HNF4G: variants seen among roughly 807,000 people sequenced by gnomAD.
HNF4G encodes the protein hepatocyte nuclear factor 4-gamma.
A neutral mutation model predicts 50.9 loss-of-function variants in HNF4G; 21 were observed. The observed-to-expected ratio is 0.41, with a 90% confidence interval of 0.29 to 0.59. The LOEUF (loss-of-function observed/expected upper bound fraction) is 0.59. HNF4G is among the 20% of genes least tolerant of loss of function. HNF4G has a pLI of 0.26. For synonymous variants in HNF4G, 198 were observed against 185.6 expected (o/e 1.07, Z -0.54); for missense variants, 527 against 559.4 (o/e 0.94, Z 0.58).
intron 1 of HNF4G, among the ~76,000 whole-genome samples, chr8:75,476,860 T>C (rs1392127933): frequency 6.6e-6 from 1 of 152,192 alleles, no homozygotes; most frequent in East Asian, 1.9e-4. Context: ...AGGAGTCAGC[T>C]CCAGCTGTAT....
At chr8:75,524,314 C>T (rs565062628) in intron 2 of HNF4G, among the ~76,000 whole-genome samples, 2 of 152,214 alleles carry the variant, frequency 1.3e-5, no homozygotes, top group East Asian at 1.9e-4. Context: ...ATTTGGGAGG[C>T]ATATAAATGG....
chr8:75,463,720 A>G (rs1811905053), intron 1 of HNF4G, among the ~76,000 whole-genome samples: 1 of 142,102 alleles, frequency 7.0e-6, no homozygotes, highest in Non-Finnish European at 1.5e-5. Context: ...GTTTGTTTAT[A>G]TTTACAGTTT....
chr8:75,529,130 CAA>C (rs34899143), intron 2 of HNF4G, among the ~76,000 whole-genome samples: 41,229 of 148,882 alleles, frequency 0.28, 5,716 homozygotes, highest in African/African-American at 0.34. Flanking sequence ...ACTAAAAATA[CAA>C]AAAAAAAAAT....
At chr8:75,547,745 C>A in intron 3 of HNF4G, 64 bp downstream of exon 3, 1 of 982,276 alleles carries the variant, frequency 1.0e-6, no homozygotes, top group Non-Finnish European at 1.6e-6. Context: ...CACACACATT[C>A]TCATTGATTA....
intron 1 of HNF4G, among the ~76,000 whole-genome samples, chr8:75,441,402 C>T (rs1231046518): frequency 6.6e-6 from 1 of 152,008 alleles, no homozygotes; most frequent in Non-Finnish European, 1.5e-5. Context: ...TGCGCCACCA[C>T]ACCCGGCTAA....
intron 2 of HNF4G, among the ~76,000 whole-genome samples, chr8:75,515,267 C>G (rs1337448465): frequency 2.0e-5 from 3 of 152,092 alleles, no homozygotes; most frequent in Non-Finnish European, 4.4e-5. Context: ...TTCATTTGCT[C>G]TCCTTCCTGT....
chr8:75,416,891 CA>C (rs1252954615), intron 1 of HNF4G, among the ~76,000 whole-genome samples: 18 of 152,166 alleles, frequency 1.2e-4, no homozygotes, highest in Admixed American at 8.5e-4. Context: ...AGCATGTTAG[CA>C]AACTTCCTGA....
chr8:75,502,003 C>A (rs900598966), intron 2 of HNF4G, among the ~76,000 whole-genome samples: 4 of 152,072 alleles, frequency 2.6e-5, no homozygotes, highest in Admixed American at 6.6e-5. Flanking sequence ...CAGGCGTGCA[C>A]CACCACGCCC....
chr8:75,427,800 T>A (rs1810922591), intron 1 of HNF4G, among the ~76,000 whole-genome samples: 1 of 152,176 alleles, frequency 6.6e-6, no homozygotes, highest in East Asian at 1.9e-4. Context: ...GCCCTATAAA[T>A]GTATATATAT....
chr8:75,487,260 T>TTTTA (rs1812520562), intron 1 of HNF4G, among the ~76,000 whole-genome samples: 1 of 127,814 alleles, frequency 7.8e-6, no homozygotes, highest in South Asian at 2.4e-4. Context: ...TATTTTTTTA[T>TTTTA]TTTATTTATT....
At chr8:75,523,953 C>A (rs1467249240) in intron 2 of HNF4G, among the ~76,000 whole-genome samples, 2 of 151,564 alleles carry the variant, frequency 1.3e-5, no homozygotes, top group Non-Finnish European at 2.9e-5. Context: ...ATATGGGGTA[C>A]CTTTTAATTT....
At chr8:75,455,674 A>G (rs1811702770) in intron 1 of HNF4G, among the ~76,000 whole-genome samples, 1 of 152,200 alleles carries the variant, frequency 6.6e-6, no homozygotes, top group Non-Finnish European at 1.5e-5. Context: ...ACTCCATAAT[A>G]TCATTGAATT....
intron 2 of HNF4G, among the ~76,000 whole-genome samples, chr8:75,500,683 TA>T (rs950710971): frequency 9.9e-5 from 15 of 152,126 alleles, no homozygotes; most frequent in Admixed American, 3.3e-4. Flanking sequence ...CATTCAGCCA[TA>T]AAAAAATGAA....
At chr8:75,517,088 C>T (rs925616629) in intron 2 of HNF4G, among the ~76,000 whole-genome samples, 1 of 152,080 alleles carries the variant, frequency 6.6e-6, no homozygotes, top group Admixed American at 6.6e-5. Context: ...GAACTAACTC[C>T]CCTTTATAAG....
chr8:75,509,514 C>A (rs1451228495), intron 2 of HNF4G, among the ~76,000 whole-genome samples: 2 of 152,152 alleles, frequency 1.3e-5, no homozygotes, highest in Non-Finnish European at 2.9e-5. Flanking sequence ...TGTCATGATT[C>A]ATTTGGAAAT....
rs1007094376 is a variant in HNF4G, at chr8:75,418,724, T to A, written c.-144+10562T>A. On this transcript the variant is annotated intron_variant, in intron 1 of 10. Coordinates refer to the HNF4G transcript ENST00000354370. The stretch of plus-strand genomic sequence containing the variant: ...TAGTGATAAGTCTCTCTCTCTCTCT[T>A]TTTTTTTTTTTTTTTTTTTTGAGAT... 6.7e-5 allele frequency among the ~76,000 whole-genome samples: 9 copies of A among 133,732 alleles called. No homozygotes were observed. In the Admixed American group the frequency reaches 7.0e-4, roughly 10 times the overall value. 87.7% of individuals were successfully genotyped at this position (133,732 alleles called of 152,430 possible). A position where few individuals can be genotyped will look rare whatever the true frequency, so the allele number is the denominator to read the frequency against.
intron 1 of HNF4G, among the ~76,000 whole-genome samples, chr8:75,473,598 G>T (rs944020076): frequency 2.0e-5 from 3 of 152,070 alleles, no homozygotes; most frequent in Non-Finnish European, 2.9e-5. Context: ...AATCCATTTG[G>T]CTCTTTAGCT....
chr8:75,496,883 A>G (rs1014597695), intron 2 of HNF4G, among the ~76,000 whole-genome samples: 1 of 152,004 alleles, frequency 6.6e-6, no homozygotes, highest in Non-Finnish European at 1.5e-5. Context: ...AAGTTTTGTG[A>G]CTATGAGAAA....
At chr8:75,431,891 A>C (rs901423242) in intron 1 of HNF4G, among the ~76,000 whole-genome samples, 2 of 151,648 alleles carry the variant, frequency 1.3e-5, no homozygotes, top group Non-Finnish European at 1.5e-5. Context: ...GCACCATTGC[A>C]CTCCAGCCTG....
Sources: gnomAD v4.1 joint callset for allele counts (sites outside exome capture counted in the v4.1 genomes callset) on GRCh38, gnomAD v4.1.1 for gene constraint, MANE v1.5 for transcripts, NCBI Gene and HGNC (gene_info 2026-07-23, HGNC 2026-07-21) for gene names.